Variants in PXDNL observed in about 807,000 individuals in gnomAD.
The protein encoded by PXDNL is peroxidasin like, also known as probable oxidoreductase PXDNL.
Under a neutral mutation model 150.8 loss-of-function variants are expected in PXDNL, and 145 were observed. The ratio of observed to expected loss-of-function variants is 0.96; its 90% CI spans 0.84 to 1.10. The LOEUF is 1.10. Ranked by LOEUF, PXDNL falls within the 50% of genes least tolerant of loss-of-function variation. The pLI is 0.00. For synonymous variants in PXDNL, 757 were observed against 725.7 expected, an observed-to-expected ratio of 1.04 and a Z score of -0.69; for missense variants, 2,087 against 1,873.9, an observed-to-expected ratio of 1.11 and a Z score of -2.10.
intron 4 of PXDNL, among the ~76,000 whole-genome samples, chr8:51,519,532 TA>T (rs11318210): frequency 0.026 from 3,940 of 149,354 alleles, 182 homozygotes; most frequent in African/African-American, 0.091. Context: ...GACACCATCT[TA>T]AAAAAAAACA....
At chr8:51,517,918 T>C (rs753997620) in intron 4 of PXDNL, among the ~76,000 whole-genome samples, 1 of 152,184 alleles carries the variant, frequency 6.6e-6, no homozygotes, top group East Asian at 1.9e-4. Context: ...GGGTGTAAAA[T>C]CAAATGAAAC....
At chr8:51,578,904 T>C (rs1312433534) in intron 3 of PXDNL, among the ~76,000 whole-genome samples, 1 of 152,030 alleles carries the variant, frequency 6.6e-6, no homozygotes, top group African/African-American at 2.4e-5. Context: ...TGAACATTCA[T>C]GGCAAAAACA....
rs891862856 is a variant in PXDNL at position 51,541,101 on chromosome 8, T to C, written c.380+15739A>G. Among the ~76,000 whole-genome samples, 85 of 151,896 alleles carry C rather than the reference T, an allele frequency of 5.6e-4. 1 individual carries two copies. Among genetic ancestry groups the C allele is most frequent in the African/African-American group, 2.0e-3 (81 of 41,328 alleles). On this transcript the variant is annotated intron_variant, in intron 4 of 22. Transcript: ENST00000356297. ...GGTGAAATCTCGTCTCTACTAAAAA[T>C]ACAAAAATTAGCTGGGCGTGGTGGC... is the stretch of plus-strand genomic sequence containing the variant.
chr8:51,471,604 C>A (rs1436584039), intron 8 of PXDNL, among the ~76,000 whole-genome samples: 6 of 152,070 alleles, frequency 3.9e-5, no homozygotes, highest in Non-Finnish European at 8.8e-5. Flanking sequence ...TGTTATTAAT[C>A]CCAACATTTC....
chr8:51,375,781 A>G (rs966124108), intron 17 of PXDNL, among the ~76,000 whole-genome samples: 1 of 152,234 alleles, frequency 6.6e-6, no homozygotes, highest in African/African-American at 2.4e-5. Context: ...AGGCGTCAGC[A>G]AATTTTTACC....
intron 1 of PXDNL, among the ~76,000 whole-genome samples, chr8:51,797,181 A>C (rs1355914121): frequency 6.6e-6 from 1 of 152,198 alleles, no homozygotes. Context: ...CCTCAAAATA[A>C]TAAGAGCCAT....
chr8:51,776,936 T>G (rs999011399), intron 1 of PXDNL, among the ~76,000 whole-genome samples: 2 of 152,144 alleles, frequency 1.3e-5, no homozygotes, highest in African/African-American at 4.8e-5. Flanking sequence ...ACATAGACAG[T>G]CCACAACAGA....
At chr8:51,512,726 T>G (rs1438605333) in intron 4 of PXDNL, among the ~76,000 whole-genome samples, 1 of 152,182 alleles carries the variant, frequency 6.6e-6, no homozygotes, top group Non-Finnish European at 1.5e-5. Flanking sequence ...AAGGACAAAG[T>G]TTCCAACCTT....
Position 51,490,093 on chromosome 8 carries a change from G to A in PXDNL, c.453-6379C>T, listed in dbSNP as rs373560038. 7.9e-5 allele frequency among the ~76,000 whole-genome samples: 12 copies of A among 152,196 alleles called. No homozygotes were observed. The East Asian group carries it at 2.1e-3, about 27-fold the overall frequency. On this transcript the variant is annotated intron_variant, in intron 5 of 22. Coordinates refer to ENST00000356297, the MANE Select transcript of PXDNL (RefSeq NM_144651.5). ...ATAAAAAATGTGAAGATATTGCAAAGACACATAATGCATTTAGAATGTCCA... is the reference window on the plus strand; with the variant it reads ...ATAAAAAATGTGAAGATATTGCAAAAACACATAATGCATTTAGAATGTCCA...
At chr8:51,438,211 A>AATCAATATT (rs1291129166) in intron 12 of PXDNL, among the ~76,000 whole-genome samples, 1 of 152,200 alleles carries the variant, frequency 6.6e-6, no homozygotes, top group Non-Finnish European at 1.5e-5. Context: ...GAATGGGGAG[A>AATCAATATT]ATCAATATTG....
chr8:51,558,562 G>T (rs1812644708), intron 3 of PXDNL, among the ~76,000 whole-genome samples: 1 of 151,944 alleles, frequency 6.6e-6, no homozygotes, highest in African/African-American at 2.4e-5. Context: ...ATGAGGAGTT[G>T]TTTCATAAAG....
intron 6 of PXDNL, among the ~76,000 whole-genome samples, chr8:51,479,967 G>A (rs1464499458): frequency 1.3e-5 from 2 of 152,172 alleles, no homozygotes; most frequent in African/African-American, 4.8e-5. Flanking sequence ...GCAGCATTAT[G>A]TGTGTCTGAC....
At chr8:51,538,202 G>A (rs558358592) in intron 4 of PXDNL, among the ~76,000 whole-genome samples, 1 of 152,302 alleles carries the variant, frequency 6.6e-6, no homozygotes, top group African/African-American at 2.4e-5. Flanking sequence ...AGATACACAG[G>A]ATGCTGTTTC....
chr8:51,483,567 A>G, intron 6 of PXDNL, 76 bp downstream of exon 6: 1 of 915,840 alleles, frequency 1.1e-6, no homozygotes, highest in Admixed American at 2.3e-5. Flanking sequence ...AGGAGAAGGC[A>G]ACCAACCATT....
intron 14 of PXDNL, among the ~76,000 whole-genome samples, chr8:51,421,058 T>G (rs16916225): frequency 0.038 from 5,763 of 152,290 alleles, 343 homozygotes; most frequent in African/African-American, 0.13. Context: ...GATGAAATTC[T>G]TGTGTTGGAG....
chr8:51,649,125 C>T (rs981327660), intron 2 of PXDNL, among the ~76,000 whole-genome samples: 9 of 152,092 alleles, frequency 5.9e-5, no homozygotes, highest in African/African-American at 1.7e-4. Flanking sequence ...GTAAAATTTC[C>T]GTGTCAAACA....
At chr8:51,501,531 C>G (rs1034083477) in intron 4 of PXDNL, among the ~76,000 whole-genome samples, 1 of 151,890 alleles carries the variant, frequency 6.6e-6, no homozygotes, top group African/African-American at 2.4e-5. Flanking sequence ...CACATACACT[C>G]TCACATACAC....
At chr8:51,486,983 CG>C (rs1810780979) in intron 5 of PXDNL, among the ~76,000 whole-genome samples, 1 of 150,830 alleles carries the variant, frequency 6.6e-6, no homozygotes, top group Non-Finnish European at 1.5e-5. Flanking sequence ...TTTGTAGAGA[CG>C]GGGTTTCACC....
intron 1 of PXDNL, among the ~76,000 whole-genome samples, chr8:51,742,642 C>A (rs1011671984): frequency 3.3e-5 from 5 of 150,658 alleles, no homozygotes; most frequent in Non-Finnish European, 5.9e-5. Context: ...TATATATAAA[C>A]ATTTTATATA....
Sources: gnomAD v4.1 joint callset for allele counts (sites outside exome capture counted in the v4.1 genomes callset) on GRCh38, gnomAD v4.1.1 for gene constraint, MANE v1.5 for transcripts, NCBI Gene and HGNC (gene_info 2026-07-23, HGNC 2026-07-21) for gene names.